FARSB: variants seen among roughly 807,000 people sequenced by gnomAD.
The protein encoded by FARSB is phenylalanyl-tRNA synthetase subunit beta, also known as phenylalanine--tRNA ligase beta subunit.
A neutral mutation model predicts 69.6 loss-of-function variants in FARSB; 40 were observed. The observed-to-expected ratio is 0.57, with a 90% confidence interval of 0.45 to 0.75. FARSB has a LOEUF of 0.75. Ranked by LOEUF, FARSB falls within the 30% of genes least tolerant of loss-of-function variation. FARSB has a pLI of 0.00. For missense variants in FARSB, 632 were observed against 722.9 expected, an observed-to-expected ratio of 0.87 and a Z score of 1.44; for synonymous variants, 235 against 247.2, an observed-to-expected ratio of 0.95 and a Z score of 0.46.
At chr2:222,647,121 CT>C (rs1691885889) in intron 2 of FARSB, among the ~76,000 whole-genome samples, 1 of 152,158 alleles carries the variant, frequency 6.6e-6, no homozygotes, top group Non-Finnish European at 1.5e-5. Flanking sequence ...CTGGGGATTG[CT>C]TATAAATTTC....
chr2:222,624,188 A>G (rs1036284692), intron 12 of FARSB, 84 bp downstream of exon 12: 46 of 889,492 alleles, frequency 5.2e-5, no homozygotes, highest in Non-Finnish European at 8.2e-5. Context: ...CTTGATTCCT[A>G]CGTTCTGTTT....
chr2:222,641,821 T>TA lies in FARSB; in HGVS notation c.270-891dup, dbSNP rs549910721. Among the ~76,000 whole-genome samples the TA allele has an allele frequency of 1.4e-3, 218 of 152,316 alleles. 1 individual carries two copies. Among genetic ancestry groups the TA allele is most frequent in the Admixed American group, 0.012 (191 of 15,300 alleles). ...TTTTAACCATCCTTAACCTAATGCC[T>TA]AATTATCACCATTTCACCAATACCC... On this transcript the variant is annotated intron_variant, in intron 3 of 16. Coordinates refer to ENST00000281828, the MANE Select transcript of FARSB (RefSeq NM_005687.5).
rs375573344 is a variant in FARSB, at chr2:222,605,690, G to C, written c.1463-5607C>G. On this transcript the variant is annotated intron_variant, in intron 15 of 16. Coordinates refer to ENST00000281828, the MANE Select transcript of FARSB (RefSeq NM_005687.5). The stretch of plus-strand genomic sequence containing the variant: ...CCCAGTACTTTAGAAGGCCGAGGCA[G>C]AAGGATCACTTGAGCCCAGGAGTTT... Among the ~76,000 whole-genome samples, 7 of 152,292 alleles carry C rather than the reference G, an allele frequency of 4.6e-5. No individual in the cohort carries two copies. In the East Asian group the frequency reaches 9.6e-4, roughly 21 times the overall value.
Position 222,654,452 on chromosome 2 carries a change from T to C in FARSB, c.58+1564A>G, listed in dbSNP as rs536657470. ...CCCCCAAAATATCTCATTATGTATA[T>C]GCAAATATCCCAAAATCCAAAATCC... On this transcript the variant is annotated intron_variant, in intron 1 of 16. Coordinates refer to ENST00000281828, the MANE Select transcript of FARSB (RefSeq NM_005687.5). 8.5e-5 allele frequency among the ~76,000 whole-genome samples: 13 copies of C among 152,368 alleles called. No individual in the cohort carries two copies. In the South Asian group the frequency reaches 2.7e-3, roughly 32 times the overall value.
Position 222,613,798 on chromosome 2 carries a change from G to T in FARSB, c.1462+13C>A. The T allele has an allele frequency of 1.4e-6, 2 of 1,392,712 alleles. No homozygotes were observed. The highest frequency in any genetic ancestry group is 1.2e-5 in the South Asian group (1 of 85,542). 86.3% of individuals were successfully genotyped at this position (1,392,712 alleles called of 1,614,324 possible). Reference sequence around the variant, plus strand: ...TAAATACACAAATCAAATCAAAGGTGACTTATTCTTACCTGTATTAGAATC... The same window carrying T: ...TAAATACACAAATCAAATCAAAGGTTACTTATTCTTACCTGTATTAGAATC... On this transcript the variant is annotated intron_variant, in intron 15 of 16. Transcript: ENST00000281828.
intron 10 of FARSB, among the ~76,000 whole-genome samples, chr2:222,628,537 G>A (rs1312543703): frequency 6.6e-6 from 1 of 152,206 alleles, no homozygotes; most frequent in African/African-American, 2.4e-5. Flanking sequence ...GTTGTATAAT[G>A]TTGTGTTTAC....
intron 16 of FARSB, among the ~76,000 whole-genome samples, chr2:222,579,870 CT>C (rs1456626316): frequency 6.6e-6 from 1 of 152,190 alleles, no homozygotes; most frequent in African/African-American, 2.4e-5. Context: ...TTCCAAAATG[CT>C]TTCACAAATT....
intron 16 of FARSB, among the ~76,000 whole-genome samples, chr2:222,592,923 C>T (rs1487088500): frequency 6.6e-6 from 1 of 152,038 alleles, no homozygotes; most frequent in African/African-American, 2.4e-5. Flanking sequence ...TTGTCCCTCT[C>T]TGACCTCCCC....
intron 13 of FARSB, among the ~76,000 whole-genome samples, chr2:222,623,234 C>CA (rs931135630): frequency 6.6e-6 from 1 of 152,106 alleles, no homozygotes; most frequent in Admixed American, 6.5e-5. Context: ...TGTTTGTGAA[C>CA]ATGTTCAAAG....
At chr2:222,601,824 C>A (rs1690569116) in intron 15 of FARSB, among the ~76,000 whole-genome samples, 2 of 152,108 alleles carry the variant, frequency 1.3e-5, no homozygotes, top group South Asian at 4.1e-4. Context: ...CCACCACACT[C>A]AGCTAATTTT....
intron 14 of FARSB, among the ~76,000 whole-genome samples, chr2:222,617,854 G>A (rs907398895): frequency 2.6e-5 from 4 of 152,346 alleles, no homozygotes; most frequent in South Asian, 4.1e-4. Context: ...CTGCACTTCA[G>A]CCTGGGCAAG....
At position 222,639,650 on chromosome 2, in the gene FARSB, T is replaced by C. The variant is rs1040234958; in HGVS notation, c.385A>G (p.Ile129Val). ...PFAVAAVLRN[I>V]KFTKDRYDSF... ...TCATATCGATCTTTAGTAAACTTTA[T>C]ATTACGGAGAACTGCTGCTACCGCA... The change falls in exon 5 of 17, where the codon ATA (isoleucine) becomes GTA (valine). Residue 129 changes from isoleucine (I) to valine (V), a missense_variant. Transcript: ENST00000281828. The C allele has an allele frequency of 6.3e-7, 1 of 1,592,786 alleles. No homozygotes were observed. Among genetic ancestry groups the C allele is most frequent in the East Asian group, 2.3e-5 (1 of 44,078 alleles).
chr2:222,590,662 TTTTAAAA>T (rs1649731902), intron 16 of FARSB, among the ~76,000 whole-genome samples: 1 of 152,172 alleles, frequency 6.6e-6, no homozygotes, highest in Admixed American at 6.5e-5. Flanking sequence ...CAGTTATGCT[TTTTAAAA>T]GAGGAGTTCC....
chr2:222,589,154 C>A (rs1252093911), intron 16 of FARSB, among the ~76,000 whole-genome samples: 1 of 152,110 alleles, frequency 6.6e-6, no homozygotes, highest in East Asian at 1.9e-4. Flanking sequence ...GGTACTGTTA[C>A]CAAAACAGAG....
chr2:222,625,427 T>C (rs1219994538), intron 10 of FARSB, among the ~76,000 whole-genome samples: 2 of 152,190 alleles, frequency 1.3e-5, no homozygotes, highest in South Asian at 2.1e-4. Context: ...AAAAAGGCCA[T>C]AGATTTTAAA....
intron 15 of FARSB, among the ~76,000 whole-genome samples, chr2:222,607,904 G>A (rs762949984): frequency 1.4e-4 from 22 of 151,764 alleles, no homozygotes; most frequent in African/African-American, 3.4e-4. Flanking sequence ...GAAAAAGTAC[G>A]TCCTTGTGGG....
At position 222,624,276 on chromosome 2, in the gene FARSB, T is replaced by C; in HGVS notation, c.1166A>G (p.Asn389Ser). ...MTLPKTYTIA[N>S]QFPLNKLTEL... ...TATTTAAGGGTGCAATCTTACTTGA[T>C]TAGCTATGGTGTAAGTTTTCGGGAG... Residue 389 changes from asparagine (N) to serine (S), a missense_variant, in exon 12 of 17, where the codon AAT (asparagine) becomes AGT (serine). Asn to Ser is a conservative substitution (Grantham distance 46). Transcript: ENST00000281828. 1 of 1,591,872 alleles carries C rather than the reference T, an allele frequency of 6.3e-7. No homozygotes were observed. The highest frequency in any genetic ancestry group is 8.6e-7 in the Non-Finnish European group (1 of 1,161,008).
At position 222,569,756 on chromosome 2, in the gene FARSB, C is replaced by T. The variant is rs950813601; in HGVS notation, c.*2115G>A. 2 of 152,168 alleles carry T rather than the reference C, an allele frequency of 1.3e-5. No individual in the cohort carries two copies. Among genetic ancestry groups the T allele is most frequent in the Non-Finnish European group, 2.9e-5 (2 of 68,016 alleles). The allele number at this position is 152,168 out of a possible 1,614,324, so 9.4% of individuals were successfully genotyped here. On this transcript the variant is annotated 3_prime_UTR_variant, in exon 17 of 17. Coordinates refer to ENST00000281828, the MANE Select transcript of FARSB (RefSeq NM_005687.5). ...GTGTCTCTTGCTTTCACTTAGCATA[C>T]TGTTTTGAAATTCATTCATGTTGTT...
At chr2:222,608,428 G>A (rs149545182) in intron 15 of FARSB, among the ~76,000 whole-genome samples, 12 of 152,162 alleles carry the variant, frequency 7.9e-5, no homozygotes, top group African/African-American at 1.4e-4. Flanking sequence ...CTATATTTTC[G>A]TAACTTATAA....
Sources: allele counts gnomAD v4.1 joint callset (sites outside exome capture counted in the v4.1 genomes callset), GRCh38; gene constraint gnomAD v4.1.1; transcripts MANE v1.5; gene names NCBI Gene and HGNC (gene_info 2026-07-23, HGNC 2026-07-21).